Variants in MARCHF3 observed in about 807,000 individuals in gnomAD.
The protein encoded by MARCHF3 is E3 ubiquitin-protein ligase MARCHF3.
Under a neutral mutation model 24.2 loss-of-function variants are expected in MARCHF3, and 13 were observed. The observed-to-expected ratio is 0.54, with a 90% CI of 0.35 to 0.85. The LOEUF (loss-of-function observed/expected upper bound fraction) is 0.85, where lower values mean the gene tolerates loss of function less well. MARCHF3 is among the 40% of genes least tolerant of loss of function. The pLI is 0.01. For missense variants in MARCHF3, 276 were observed against 325.0 expected (o/e 0.85, Z 1.16); for synonymous variants, 144 against 137.3 (o/e 1.05, Z -0.34).
chr5:126,872,145 T>G (rs1488900593), intron 4 of MARCHF3, among the ~76,000 whole-genome samples: 1 of 144,162 alleles, frequency 6.9e-6, no homozygotes, highest in Non-Finnish European at 1.5e-5. Context: ...AATGGCGCGA[T>G]CTCGGCTCAC....
At chr5:126,922,664 A>T (rs1749156841) in intron 1 of MARCHF3, among the ~76,000 whole-genome samples, 1 of 152,024 alleles carries the variant, frequency 6.6e-6, no homozygotes, top group Admixed American at 6.6e-5. Flanking sequence ...CTCCTGCCTC[A>T]GCCTCCCGAA....
chr5:126,890,391 C>T (rs1224392091), intron 3 of MARCHF3, among the ~76,000 whole-genome samples: 2 of 149,934 alleles, frequency 1.3e-5, no homozygotes, highest in Admixed American at 6.6e-5. Flanking sequence ...CACCCACTAA[C>T]TCGTCATCTA....
chr5:126,963,465 C>T (rs760645120), intron 1 of MARCHF3, among the ~76,000 whole-genome samples: 28 of 151,970 alleles, frequency 1.8e-4, no homozygotes, highest in Non-Finnish European at 3.5e-4. Context: ...ATCATTAAAA[C>T]GTTAGTGTTA....
intron 1 of MARCHF3, among the ~76,000 whole-genome samples, chr5:127,012,475 A>C (rs964938656): frequency 5.3e-5 from 8 of 152,222 alleles, no homozygotes; most frequent in Non-Finnish European, 7.4e-5. Flanking sequence ...ACCTTTGTTG[A>C]AAGTGATAGG....
chr5:126,895,498 T>C (rs1753852544), intron 3 of MARCHF3, among the ~76,000 whole-genome samples: 1 of 152,124 alleles, frequency 6.6e-6, no homozygotes, highest in South Asian at 2.1e-4. Context: ...TTGGTGTGGA[T>C]GTCCTTTCTG....
At chr5:126,871,712 C>CTT (rs368757054) in intron 4 of MARCHF3, among the ~76,000 whole-genome samples, 2 of 143,080 alleles carry the variant, frequency 1.4e-5, no homozygotes, top group Admixed American at 7.0e-5. Context: ...GCCTCTCTCT[C>CTT]TTTTTTTTTT....
chr5:126,941,470 G>A (rs1460205718), intron 1 of MARCHF3, among the ~76,000 whole-genome samples: 1 of 151,748 alleles, frequency 6.6e-6, no homozygotes, highest in Non-Finnish European at 1.5e-5. Context: ...AAAAAAACAG[G>A]TGGAAAAATT....
intron 1 of MARCHF3, chr5:127,030,049 C>T (rs938681936): frequency 6.6e-6 from 1 of 152,214 alleles, no homozygotes; most frequent in Non-Finnish European, 1.5e-5. Flanking sequence ...GGAGGCCGCC[C>T]CAGCGCTCCA....
At position 126,902,901 on chromosome 5, in the gene MARCHF3, G is replaced by A. The variant is rs1391624950; in HGVS notation, c.393+12029C>T. 2.0e-5 allele frequency among the ~76,000 whole-genome samples: 3 copies of A among 152,112 alleles called. No homozygotes were observed. The East Asian group carries it at 5.8e-4, about 29-fold the overall frequency. On this transcript the variant is annotated intron_variant, in intron 3 of 4. Transcript: ENST00000308660. ...GAGTCCACGTGGAGGCAGGTGGCCT[G>A]AGGGATGGTCTGCTCAGCGACCTTG... is the stretch of plus-strand genomic sequence containing the variant.
intron 4 of MARCHF3, 132 bp downstream of exon 4, chr5:126,878,053 C>T (rs896636783): frequency 5.0e-6 from 4 of 804,396 alleles, no homozygotes; most frequent in Non-Finnish European, 8.1e-6. Flanking sequence ...AAATCTCATG[C>T]TCCCGCCAGC....
intron 3 of MARCHF3, 155 bp downstream of exon 3, chr5:126,914,775 C>CACACACACACAA (rs1308543659): frequency 2.2e-5 from 14 of 628,340 alleles, no homozygotes; most frequent in Admixed American, 4.8e-5. Context: ...CAAACACACA[C>CACACACACACAA]ACACACACAC....
At chr5:126,990,156 G>C (rs570651379) in intron 1 of MARCHF3, among the ~76,000 whole-genome samples, 61 of 145,480 alleles carry the variant, frequency 4.2e-4, no homozygotes, top group African/African-American at 1.3e-3. Flanking sequence ...ATACTACAAG[G>C]CTACAGTAAC....
intron 2 of MARCHF3, among the ~76,000 whole-genome samples, chr5:126,917,603 A>G (rs1161241925): frequency 2.6e-5 from 4 of 152,184 alleles, no homozygotes; most frequent in African/African-American, 9.7e-5. Flanking sequence ...CCACAAATCC[A>G]ATCACTTTGA....
At chr5:126,968,869 A>G (rs1409222432) in intron 1 of MARCHF3, among the ~76,000 whole-genome samples, 1 of 152,078 alleles carries the variant, frequency 6.6e-6, no homozygotes, top group Non-Finnish European at 1.5e-5. Context: ...TTTTTCAACT[A>G]TTAAGTTGTA....
At chr5:126,947,185 G>T (rs1414629860) in intron 1 of MARCHF3, among the ~76,000 whole-genome samples, 1 of 152,026 alleles carries the variant, frequency 6.6e-6, no homozygotes, top group Admixed American at 6.5e-5. Context: ...TCATTCCCCC[G>T]CATATGCAAC....
intron 1 of MARCHF3, among the ~76,000 whole-genome samples, chr5:126,971,572 C>G (rs989580055): frequency 3.3e-5 from 5 of 152,152 alleles, no homozygotes; most frequent in African/African-American, 1.2e-4. Flanking sequence ...GGCTCTAGGC[C>G]TCTCTCCCAG....
chr5:126,868,880 G>A lies in MARCHF3; in HGVS notation c.*1753C>T, dbSNP rs1047260627. 3 of 152,228 alleles carry A rather than the reference G, an allele frequency of 2.0e-5. No homozygotes were observed. Among genetic ancestry groups the A allele is most frequent in the African/African-American group, 7.2e-5 (3 of 41,444 alleles). The allele number at this position is 152,228 out of a possible 1,614,324, so 9.4% of individuals were successfully genotyped here. On this transcript the variant is annotated 3_prime_UTR_variant, in exon 5 of 5. Transcript: ENST00000308660. ...ATTTTAAAAAGGTCAATTAAGAAACGGTTGATGGTGGTGCAGCTAATGACA... is the reference window on the plus strand; with the variant it reads ...ATTTTAAAAAGGTCAATTAAGAAACAGTTGATGGTGGTGCAGCTAATGACA...
At chr5:126,949,764 T>C (rs1054763053) in intron 1 of MARCHF3, among the ~76,000 whole-genome samples, 2 of 151,948 alleles carry the variant, frequency 1.3e-5, no homozygotes, top group African/African-American at 4.8e-5. Flanking sequence ...CTCACAAAGG[T>C]AGGCTGGGAT....
intron 1 of MARCHF3, among the ~76,000 whole-genome samples, chr5:126,966,306 T>C (rs1161170944): frequency 1.3e-5 from 2 of 152,194 alleles, no homozygotes; most frequent in East Asian, 1.9e-4. Flanking sequence ...ATTCAACTTA[T>C]AGCCTTAAAA....
Sources: gnomAD v4.1 joint callset for allele counts (sites outside exome capture counted in the v4.1 genomes callset) on GRCh38, gnomAD v4.1.1 for gene constraint, MANE v1.5 for transcripts, NCBI Gene and HGNC (gene_info 2026-07-23, HGNC 2026-07-21) for gene names.